The following XRN1 variants were observed in gnomAD, a reference collection of about 807,000 sequenced individuals.
XRN1 encodes strand-exchange protein 1 homolog.
In XRN1, 67 loss-of-function variants were observed where a neutral mutation model predicts 222.3. The ratio of observed to expected loss-of-function variants is 0.30; its 90% CI spans 0.25 to 0.37. The LOEUF is 0.37. XRN1 is among the 10% of genes least tolerant of loss of function. XRN1 has a pLI of 1.00. For synonymous variants in XRN1, 643 were observed against 652.4 expected (o/e 0.99, Z 0.22); for missense variants, 1,707 against 2,000.2 (o/e 0.85, Z 2.80).
intron 12 of XRN1, 122 bp from the exon 13 acceptor site, chr3:142,417,351 T>C (rs1364206020): frequency 1.3e-5 from 10 of 749,592 alleles, no homozygotes; most frequent in African/African-American, 1.1e-4. Flanking sequence ...GAATTAGCTA[T>C]TTATGGCTAA....
At chr3:142,402,106 C>A (rs2068160593) in intron 18 of XRN1, among the ~76,000 whole-genome samples, 2 of 152,194 alleles carry the variant, frequency 1.3e-5, no homozygotes, top group African/African-American at 2.4e-5. Context: ...CATCAATTCT[C>A]TGTTGACAAC....
chr3:142,397,513 A>C, intron 19 of XRN1, 53 bp from the exon 20 acceptor site: 1 of 1,399,654 alleles, frequency 7.1e-7, no homozygotes, highest in Non-Finnish European at 9.5e-7. Context: ...TTTAATATAG[A>C]GTTCTAGCAG....
chr3:142,403,576 G>C, intron 18 of XRN1, 98 bp downstream of exon 18: 1 of 1,079,034 alleles, frequency 9.3e-7, no homozygotes, highest in South Asian at 1.6e-5. Context: ...CAAATTTCTA[G>C]AGTTACAACA....
intron 34 of XRN1, among the ~76,000 whole-genome samples, chr3:142,333,570 A>G (rs1481086503): frequency 6.6e-6 from 1 of 152,188 alleles, no homozygotes; most frequent in African/African-American, 2.4e-5. Context: ...TTATGAATAT[A>G]GGCAACAAAA....
At position 142,421,522 on chromosome 3, in the gene XRN1, T is replaced by C; in HGVS notation, c.989A>G (p.His330Arg). 3.1e-6 allele frequency: 5 copies of C among 1,609,794 alleles called. No individual in the cohort carries two copies. The highest frequency in any genetic ancestry group is 4.2e-6 in the Non-Finnish European group (5 of 1,178,286). ...TTTCTCAAATCGAGGTAAGTTGAGGTGCCCACTTTCATTAATATAACCTAA... is the reference window on the plus strand; with the variant it reads ...TTTCTCAAATCGAGGTAAGTTGAGGCGCCCACTTTCATTAATATAACCTAA... ...ELGGYINESG[H>R]LNLPRFEKYL... is the part of the protein sequence containing the mutation. The change falls in exon 9 of 41, where the codon CAC (histidine) becomes CGC (arginine). Residue 330 changes from histidine to arginine, a missense_variant. By Grantham distance (29) the His-to-Arg change is conservative. Around this residue, in one of 2 missense-constraint regions of XRN1, gnomAD observed 1,234 missense variants for 1,518.2 expected, o/e 0.81. Transcript: ENST00000392981.
chr3:142,307,297 A>G lies in XRN1; in HGVS notation c.*4214T>C, dbSNP rs2064987926. ...ATTACTAAAACAGCTACAGAAACCTATTTGGCCTGGACAATTTAATAGTAT... is the reference window on the plus strand; with the variant it reads ...ATTACTAAAACAGCTACAGAAACCTGTTTGGCCTGGACAATTTAATAGTAT... On this transcript the variant is annotated 3_prime_UTR_variant, in exon 41 of 41. Coordinates refer to ENST00000392981, the MANE Select transcript of XRN1 (RefSeq NM_001282857.2). 1.3e-5 allele frequency: 2 copies of G among 151,890 alleles called. No individual in the cohort carries two copies. Among genetic ancestry groups the G allele is most frequent in the Non-Finnish European group, 1.5e-5 (1 of 67,994 alleles). The allele number at this position is 151,890 out of a possible 1,614,324, so 9.4% of individuals were successfully genotyped here.
intron 5 of XRN1, among the ~76,000 whole-genome samples, chr3:142,424,371 C>CA (rs2069164670): frequency 6.6e-6 from 1 of 152,320 alleles, no homozygotes; most frequent in Non-Finnish European, 1.5e-5. Flanking sequence ...GATGGGATTA[C>CA]AGGCATGAGC....
chr3:142,446,741 A>C (rs1172077023), intron 1 of XRN1, among the ~76,000 whole-genome samples: 1 of 152,144 alleles, frequency 6.6e-6, no homozygotes, highest in Non-Finnish European at 1.5e-5. Flanking sequence ...CCGGGGGAAA[A>C]AAATACCTCT....
intron 29 of XRN1, among the ~76,000 whole-genome samples, chr3:142,362,539 T>C (rs1318015067): frequency 1.3e-5 from 2 of 151,874 alleles, no homozygotes; most frequent in South Asian, 4.2e-4. Context: ...TCCCAAAGTG[T>C]TGGGATTACA....
intron 20 of XRN1, 31 bp from the exon 21 acceptor site, chr3:142,384,716 T>C (rs371345223): frequency 3.3e-5 from 49 of 1,463,012 alleles, no homozygotes; most frequent in Non-Finnish European, 4.3e-5. Flanking sequence ...GAAATATACA[T>C]ATGAATGAGT....
intron 15 of XRN1, among the ~76,000 whole-genome samples, chr3:142,411,701 T>C (rs956936567): frequency 6.6e-6 from 1 of 152,208 alleles, no homozygotes; most frequent in Non-Finnish European, 1.5e-5. Context: ...ATAGGCTATT[T>C]AGAAGTGTGC....
intron 37 of XRN1, among the ~76,000 whole-genome samples, chr3:142,324,062 A>G (rs1269717321): frequency 1.3e-5 from 2 of 151,082 alleles, no homozygotes; most frequent in Non-Finnish European, 3.0e-5. Flanking sequence ...ATTTTAAAAT[A>G]TATATTATTG....
chr3:142,423,468 A>T, intron 6 of XRN1, 92 bp downstream of exon 6: 1 of 1,006,836 alleles, frequency 9.9e-7, no homozygotes, highest in Non-Finnish European at 1.4e-6. Context: ...CAACCTACGG[A>T]ATGAGATAAA....
At chr3:142,319,298 C>T (rs923954195) in intron 37 of XRN1, among the ~76,000 whole-genome samples, 3 of 151,972 alleles carry the variant, frequency 2.0e-5, no homozygotes, top group Non-Finnish European at 4.4e-5. Flanking sequence ...GACTATCTGG[C>T]CCACAAGGCC....
intron 2 of XRN1, among the ~76,000 whole-genome samples, chr3:142,427,150 C>A (rs1401119610): frequency 1.3e-5 from 2 of 151,952 alleles, no homozygotes; most frequent in Non-Finnish European, 2.9e-5. Flanking sequence ...GGCAACAAAG[C>A]AAGATCCCAT....
At position 142,375,846 on chromosome 3, in the gene XRN1, C is replaced by A. The variant is rs2067125752; in HGVS notation, c.2930G>T (p.Trp977Leu). The A allele has an allele frequency of 6.2e-7, 1 of 1,613,674 alleles. No individual in the cohort carries two copies. The highest frequency in any genetic ancestry group is 1.7e-5 in the Admixed American group (1 of 59,948). ...TTGTTCTGCTGCAGATGAATACATC[C>A]ATTCACTTCCAACTTTCTTAGTATA... ...PGYTKKVGSE[W>L]MYSSAAEQLL... is the part of the protein sequence containing the mutation. The change falls in exon 25 of 41, where the codon TGG becomes TTG. Residue 977 changes from tryptophan (W) to leucine (L), a missense_variant. Around this residue, in one of 2 missense-constraint regions of XRN1, gnomAD observed 1,234 missense variants for 1,518.2 expected, o/e 0.81. Coordinates refer to ENST00000392981, the MANE Select transcript of XRN1 (RefSeq NM_001282857.2).
At chr3:142,428,272 G>C (rs758270871) in intron 2 of XRN1, among the ~76,000 whole-genome samples, 6 of 151,404 alleles carry the variant, frequency 4.0e-5, no homozygotes, top group Admixed American at 6.6e-5. Flanking sequence ...GGTGCGGCCT[G>C]TAGTCCCAGC....
chr3:142,411,476 C>T (rs1171556858), intron 15 of XRN1, among the ~76,000 whole-genome samples: 1 of 151,820 alleles, frequency 6.6e-6, no homozygotes, highest in Non-Finnish European at 1.5e-5. Context: ...CTTAAATTTC[C>T]TTTTAAGCCC....
In XRN1 at chr3:142,359,873, C is replaced by A. The variant is rs528509080; in HGVS notation, c.3453G>T (p.Gly1151=). 4 of 1,604,122 alleles carry A rather than the reference C, an allele frequency of 2.5e-6. No homozygotes were observed. In the African/African-American group the frequency reaches 4.0e-5, roughly 16 times the overall value. The change falls in exon 30 of 41, where the codon GGG becomes GGT. Residue 1151 remains glycine, a synonymous_variant. Transcript: ENST00000392981. ...TGGGAAATACAAACCTTATTGTTAA[C>A]CCTCCAGGAAATTCTTCATCAAATA... ...EVLFDEEFPG[G]LTIRCSPGRG... is the part of the protein sequence containing the mutation.
Sources: gnomAD v4.1 joint callset for allele counts (sites outside exome capture counted in the v4.1 genomes callset) on GRCh38, gnomAD v4.1.1 for gene constraint, gnomAD v4.1.1 regional missense constraint, MANE v1.5 for transcripts, NCBI Gene and HGNC (gene_info 2026-07-23, HGNC 2026-07-21) for gene names.